The following EXD3 variants were observed in gnomAD, a reference collection of about 807,000 sequenced individuals.
EXD3 encodes exonuclease 3'-5' domain containing 3.
EXD3 carries 92 observed loss-of-function variants against 98.0 expected under a neutral mutation model. The observed-to-expected ratio is 0.94, with a 90% CI of 0.79 to 1.12. The LOEUF (loss-of-function observed/expected upper bound fraction) is 1.12, where lower values mean the gene tolerates loss of function less well. Ranked by LOEUF, EXD3 falls within the 50% of genes most tolerant of loss-of-function variation. The pLI is 0.00. For missense variants in EXD3, 1,222 were observed against 1,191.6 expected (o/e 1.03, Z -0.38); for synonymous variants, 569 against 526.0 (o/e 1.08, Z -1.12).
At chr9:137,315,572 C>T (rs913598523) in intron 19 of EXD3, among the ~76,000 whole-genome samples, 9 of 152,088 alleles carry the variant, frequency 5.9e-5, no homozygotes, top group African/African-American at 2.2e-4. Context: ...GCCGAGGCCC[C>T]GGCACCGGGT....
intron 19 of EXD3, among the ~76,000 whole-genome samples, chr9:137,314,869 C>T (rs1333488156): frequency 6.6e-6 from 1 of 152,198 alleles, no homozygotes; most frequent in African/African-American, 2.4e-5. Context: ...CTCCGGAGGC[C>T]GGGTCTGGGC....
chr9:137,410,175 C>CA (rs1177155500), intron 1 of EXD3, among the ~76,000 whole-genome samples: 14 of 151,980 alleles, frequency 9.2e-5, no homozygotes, highest in South Asian at 2.1e-4. Context: ...AACTCCGTCT[C>CA]AAAAAACAAA....
intron 3 of EXD3, among the ~76,000 whole-genome samples, chr9:137,382,831 G>A (rs867457159): frequency 3.9e-5 from 6 of 152,270 alleles, no homozygotes; most frequent in Middle Eastern, 3.4e-3. Flanking sequence ...GCCGGAATCC[G>A]CGTCTGCCCC....
chr9:137,401,783 T>A (rs1364916655), intron 1 of EXD3, among the ~76,000 whole-genome samples: 6 of 152,032 alleles, frequency 3.9e-5, no homozygotes, highest in Admixed American at 6.5e-5. Context: ...ACAAAACCAC[T>A]TTTTCCTCCC....
At chr9:137,353,020 C>T in intron 10 of EXD3, 2 of 1,353,376 alleles carry the variant, frequency 1.5e-6, no homozygotes, top group Non-Finnish European at 1.9e-6. Flanking sequence ...CCCAGTGTAG[C>T]CCCGGCTGGC....
chr9:137,370,190 CT>C (rs1170350384), intron 5 of EXD3, among the ~76,000 whole-genome samples: 4 of 152,190 alleles, frequency 2.6e-5, no homozygotes, highest in Non-Finnish European at 5.9e-5. Context: ...CTGTCTCAGG[CT>C]TTGGGGGCCC....
chr9:137,313,046 C>A (rs1831450893), intron 19 of EXD3, among the ~76,000 whole-genome samples: 3 of 152,152 alleles, frequency 2.0e-5, no homozygotes, highest in African/African-American at 7.2e-5. Context: ...CTGGACGCTC[C>A]CAGGCAGACA....
intron 17 of EXD3, chr9:137,345,975 A>G (rs1190783671): frequency 6.6e-6 from 1 of 151,984 alleles, no homozygotes; most frequent in Non-Finnish European, 1.5e-5. Context: ...GGAACAGAAG[A>G]CCTAGGAGAT....
At chr9:137,328,088 GATGAGTAAAAACAACT>G (rs1832571295) in intron 17 of EXD3, among the ~76,000 whole-genome samples, 1 of 85,786 alleles carries the variant, frequency 1.2e-5, no homozygotes, top group African/African-American at 4.1e-5. Context: ...ACTCCCATAT[GATGAGTAAAAACAACT>G]AATATACACC....
At chr9:137,366,149 T>C (rs755220055) in intron 7 of EXD3, 57 of 700,144 alleles carry the variant, frequency 8.1e-5, no homozygotes, top group Non-Finnish European at 1.4e-4. Flanking sequence ...ACCAAGTGCT[T>C]CCAAAAACTT....
At chr9:137,420,126 C>T (rs566357137) in intron 1 of EXD3, among the ~76,000 whole-genome samples, 1 of 151,938 alleles carries the variant, frequency 6.6e-6, no homozygotes, top group African/African-American at 2.4e-5. Context: ...TACCACTGCA[C>T]TCCAGCCTGG....
Position 137,395,365 on chromosome 9 carries a change from G to A in EXD3, c.-8C>T. 6.2e-7 allele frequency: 1 copy of A among 1,613,326 alleles called. No individual in the cohort carries two copies. The highest frequency in any genetic ancestry group is 8.5e-7 in the Non-Finnish European group (1 of 1,179,804). On this transcript the variant is annotated 5_prime_UTR_variant, in exon 2 of 22. Transcript: ENST00000340951. The surrounding 1 kb of genome is among the most constrained non-coding windows in gnomAD (Gnocchi z 6.5). The stretch of plus-strand genomic sequence containing the variant: ...GGGATCTCCTGGGTCCATCCTCAGG[G>A]CCGGGCCGAGGACGCTGGCAGGCAG...
intron 19 of EXD3, among the ~76,000 whole-genome samples, chr9:137,317,794 C>T (rs1675421776): frequency 6.6e-6 from 1 of 152,198 alleles, no homozygotes; most frequent in Non-Finnish European, 1.5e-5. Flanking sequence ...GGCCCACCCG[C>T]TGCTGAAACT....
chr9:137,396,720 C>T (rs746274913), intron 1 of EXD3, among the ~76,000 whole-genome samples: 30 of 152,244 alleles, frequency 2.0e-4, no homozygotes, highest in Non-Finnish European at 3.1e-4. Flanking sequence ...TTCCCAGCCG[C>T]GTCACATGGA....
Position 137,352,202 on chromosome 9 carries a change from C to G in EXD3, c.1038-1G>C. ...CAGCCTCGAGTCAGCCTCAGTCGCC[C>G]TGGGAGGAGCAGAGCTGGTAGCGCC... On this transcript the variant is annotated splice_acceptor_variant, in intron 11 of 21. Transcript: ENST00000340951. LOFTEE classifies it high-confidence loss of function. 6.2e-7 allele frequency: 1 copy of G among 1,612,590 alleles called. No homozygotes were observed. Among genetic ancestry groups the G allele is most frequent in the Non-Finnish European group, 8.5e-7 (1 of 1,179,706 alleles).
intron 1 of EXD3, among the ~76,000 whole-genome samples, chr9:137,404,223 A>G (rs527529483): frequency 6.6e-6 from 1 of 152,282 alleles, no homozygotes; most frequent in Admixed American, 6.5e-5. Context: ...CTAGGGCTTC[A>G]ACATGGGAAT....
chr9:137,411,951 C>T (rs982680920), intron 1 of EXD3, among the ~76,000 whole-genome samples: 2 of 152,186 alleles, frequency 1.3e-5, no homozygotes, highest in Admixed American at 6.5e-5. Context: ...GGCCTTGTGC[C>T]GCCAGCAGGC....
chr9:137,369,618 CG>C (rs1013790773), intron 5 of EXD3, among the ~76,000 whole-genome samples: 1,572 of 3,194 alleles, frequency 0.49, 32 homozygotes, highest in African/African-American at 0.5. Flanking sequence ...AGCCTCCCTC[CG>C]AGGGACAGAC....
At chr9:137,357,328 G>C (rs551279892) in intron 7 of EXD3, 1 of 152,268 alleles carries the variant, frequency 6.6e-6, no homozygotes, top group African/African-American at 2.4e-5. Context: ...GAATTACTTA[G>C]GAGTTTCCTT....
Sources: gnomAD v4.1 joint callset for allele counts (sites outside exome capture counted in the v4.1 genomes callset) on GRCh38, gnomAD v4.1.1 for gene constraint, Gnocchi (gnomAD v3.1) non-coding constraint, MANE v1.5 for transcripts, NCBI Gene and HGNC (gene_info 2026-07-23, HGNC 2026-07-21) for gene names.